SEL1L3: variants seen among roughly 807,000 people sequenced by gnomAD.
SEL1L3 encodes the protein protein sel-1 homolog 3.
In SEL1L3, 76 loss-of-function variants were observed where a neutral mutation model predicts 142.8. The observed-to-expected ratio is 0.53, with a 90% CI of 0.44 to 0.64. SEL1L3 has a LOEUF of 0.64. Among genes scored for constraint, SEL1L3 ranks in the 30% least tolerant of loss-of-function variants. The pLI is 0.00. For synonymous variants in SEL1L3, 504 were observed against 519.6 expected (o/e 0.97, Z 0.41); for missense variants, 1,262 against 1,381.7 (o/e 0.91, Z 1.37).
At chr4:25,776,193 C>T in intron 17 of SEL1L3, 84 bp downstream of exon 17, 1 of 803,182 alleles carries the variant, frequency 1.2e-6, no homozygotes, top group Non-Finnish European at 2.1e-6. Context: ...ATTGCTTTCT[C>T]AGTTGCATTT....
rs1243893629 is a variant in SEL1L3 at position 25,765,433 on chromosome 4, A to G, written c.2848T>C (p.Tyr950His). ...TAGTAAAGGTCTCCCATCTTCAAAT[A>G]TGCTGCAGGAAATAAAGCACAGATC... ...VFQIDAPSFA[Y>H]LKMGDLYYYG... The change falls in exon 20 of 24, where the codon TAT (tyrosine) becomes CAT (histidine). Residue 950 changes from tyrosine (Y) to histidine (H), a missense_variant and splice_region_variant. Physicochemically the swap from Tyr to His is moderately conservative, Grantham distance 83. Coordinates refer to ENST00000399878, the MANE Select transcript of SEL1L3 (RefSeq NM_015187.5). 1.9e-6 allele frequency: 3 copies of G among 1,592,002 alleles called. No homozygotes were observed. The highest frequency in any genetic ancestry group is 2.2e-5 in the South Asian group (2 of 90,524).
the SEL1L3 span, chr4:25,718,072 A>G: frequency 6.6e-6 from 1 of 152,146 alleles, no homozygotes; most frequent in Non-Finnish European, 1.5e-5. Context: ...GTTGAACTAT[A>G]GCTACAGCAT....
chr4:25,738,786 C>T, the SEL1L3 span, among the ~76,000 whole-genome samples: 2 of 152,196 alleles, frequency 1.3e-5, no homozygotes, highest in African/African-American at 4.8e-5. Context: ...TTTCCTCACA[C>T]AGTCCCTCTC....
At chr4:25,801,360 G>A (rs185703330) in intron 11 of SEL1L3, among the ~76,000 whole-genome samples, 6 of 152,290 alleles carry the variant, frequency 3.9e-5, no homozygotes, top group Admixed American at 1.3e-4. Context: ...CCAAGATTGC[G>A]CCACTGCCTT....
rs148616568 is a variant in SEL1L3 at position 25,858,835 on chromosome 4, C to T, written c.162+3840G>A. Among the ~76,000 whole-genome samples, 157 of 152,286 alleles carry T rather than the reference C, an allele frequency of 1.0e-3. 1 individual carries two copies. Among genetic ancestry groups the T allele is most frequent in the African/African-American group, 3.6e-3 (149 of 41,568 alleles). On this transcript the variant is annotated intron_variant, in intron 1 of 23. Transcript: ENST00000399878. The stretch of plus-strand genomic sequence containing the variant: ...TCCTGACCTCGTGATCCGCCTGCTT[C>T]GGCCTCCCAAAGTGCTGTGATTACA...
At chr4:25,752,683 C>T (rs1056610135) in intron 23 of SEL1L3, among the ~76,000 whole-genome samples, 7 of 152,170 alleles carry the variant, frequency 4.6e-5, no homozygotes, top group African/African-American at 1.7e-4. Context: ...TGCAATGGAG[C>T]AATCTGGGCT....
intron 11 of SEL1L3, among the ~76,000 whole-genome samples, chr4:25,799,986 T>C (rs1312981707): frequency 6.6e-6 from 1 of 152,194 alleles, no homozygotes; most frequent in Non-Finnish European, 1.5e-5. Flanking sequence ...TAATCATTTG[T>C]AATTAAGCTG....
downstream of SEL1L3, among the ~76,000 whole-genome samples, chr4:25,744,366 T>TTTTTTTTTGG (rs1717199952): frequency 6.8e-6 from 1 of 146,142 alleles, no homozygotes; most frequent in African/African-American, 2.6e-5. Flanking sequence ...TTTTTTTTTT[T>TTTTTTTTTGG]GAGACGGAGC....
intron 23 of SEL1L3, chr4:25,756,898 G>C: frequency 7.8e-7 from 1 of 1,283,802 alleles, no homozygotes. Flanking sequence ...CAGGCACACA[G>C]AGGCAGAATT....
intron 20 of SEL1L3, among the ~76,000 whole-genome samples, chr4:25,760,383 C>T (rs887103405): frequency 1.3e-5 from 2 of 152,144 alleles, no homozygotes; most frequent in Non-Finnish European, 2.9e-5. Flanking sequence ...AATGAACATA[C>T]ATGTGCATGT....
chr4:25,800,621 T>G (rs1713115738), intron 11 of SEL1L3, among the ~76,000 whole-genome samples: 1 of 152,190 alleles, frequency 6.6e-6, no homozygotes, highest in African/African-American at 2.4e-5. Flanking sequence ...AAAAATAGTT[T>G]TTTTTGGCTT....
the SEL1L3 span, among the ~76,000 whole-genome samples, chr4:25,724,763 AAAAAAAAAG>A: frequency 8.8e-5 from 7 of 79,370 alleles, no homozygotes; most frequent in African/African-American, 1.3e-4. Flanking sequence ...AAAAAAAAAA[AAAAAAAAAG>A]GAAAAGAAAT....
At chr4:25,760,459 G>C (rs1312865544) in intron 20 of SEL1L3, among the ~76,000 whole-genome samples, 1 of 152,122 alleles carries the variant, frequency 6.6e-6, no homozygotes, top group East Asian at 1.9e-4. Context: ...GCTGGGTCTT[G>C]AGGAATTGCT....
At chr4:25,757,479 A>T in intron 23 of SEL1L3, 55 bp downstream of exon 23, 2 of 1,052,886 alleles carry the variant, frequency 1.9e-6, no homozygotes, top group Non-Finnish European at 2.7e-6. Context: ...AAAAAAAAAA[A>T]ATCCCTGCTT....
At chr4:25,856,309 C>T (rs994840093) in intron 1 of SEL1L3, among the ~76,000 whole-genome samples, 4 of 152,088 alleles carry the variant, frequency 2.6e-5, no homozygotes, top group African/African-American at 4.8e-5. Flanking sequence ...GCCTTAAAAG[C>T]ACAGTCTAAA....
chr4:25,752,041 G>C (rs142602250), intron 23 of SEL1L3, among the ~76,000 whole-genome samples: 1 of 147,838 alleles, frequency 6.8e-6, no homozygotes, highest in Admixed American at 6.9e-5. Flanking sequence ...CCCGGGAGGC[G>C]GAGGTTGCAG....
At chr4:25,773,974 G>C (rs1386239970) in intron 17 of SEL1L3, among the ~76,000 whole-genome samples, 1 of 152,082 alleles carries the variant, frequency 6.6e-6, no homozygotes, top group Non-Finnish European at 1.5e-5. Flanking sequence ...AGTACCCCCA[G>C]TGATCTTTAC....
the SEL1L3 span, among the ~76,000 whole-genome samples, chr4:25,727,854 A>T: frequency 9.2e-5 from 14 of 152,130 alleles, no homozygotes; most frequent in African/African-American, 3.1e-4. Flanking sequence ...TTAATTAAAA[A>T]CAGTGTCGGG....
At chr4:25,755,231 G>A (rs942437700) in intron 23 of SEL1L3, among the ~76,000 whole-genome samples, 1 of 151,748 alleles carries the variant, frequency 6.6e-6, no homozygotes, top group Non-Finnish European at 1.5e-5. Context: ...CTGCAGGCAT[G>A]TGCAATGACA....
Sources: gnomAD v4.1 joint callset for allele counts (sites outside exome capture counted in the v4.1 genomes callset) on GRCh38, gnomAD v4.1.1 for gene constraint, MANE v1.5 for transcripts, NCBI Gene and HGNC (gene_info 2026-07-23, HGNC 2026-07-21) for gene names.